Variants in CDH23 observed in about 807,000 individuals in gnomAD.
CDH23 encodes the protein cadherin related 23.
A neutral mutation model predicts 317.1 loss-of-function variants in CDH23; 189 were observed. The observed-to-expected ratio is 0.60, with a 90% CI of 0.53 to 0.67. CDH23 has a LOEUF of 0.67. Among genes scored for constraint, CDH23 ranks in the 30% least tolerant of loss-of-function variants. The probability of loss-of-function intolerance (pLI) is 0.00; values close to 1 mark genes in which losing one functional copy is unlikely to be tolerated. For synonymous variants in CDH23, 1,839 were observed against 1,876.8 expected, an observed-to-expected ratio of 0.98 and a Z score of 0.52; for missense variants, 4,401 against 4,592.4, an observed-to-expected ratio of 0.96 and a Z score of 1.20.
At chr10:71,707,154 G>A in intron 26 of CDH23, 105 bp downstream of exon 26, 1 of 1,548,118 alleles carries the variant, frequency 6.5e-7, no homozygotes, top group African/African-American at 1.4e-5. Flanking sequence ...GGGTGGAAAA[G>A]AGGTCAGGGC....
intron 11 of CDH23, among the ~76,000 whole-genome samples, chr10:71,622,172 G>C (rs1352925404): frequency 1.3e-5 from 2 of 152,082 alleles, no homozygotes; most frequent in Admixed American, 1.3e-4. Flanking sequence ...GGGGAGCCAC[G>C]GTGAATCGGC....
intron 11 of CDH23, among the ~76,000 whole-genome samples, chr10:71,640,016 C>G (rs1467471106): frequency 6.6e-6 from 1 of 152,170 alleles, no homozygotes; most frequent in Non-Finnish European, 1.5e-5. Context: ...GTCTGGCCTG[C>G]GTGAGCTTTT....
At chr10:71,443,274 A>G (rs1849988005) in intron 2 of CDH23, among the ~76,000 whole-genome samples, 1 of 152,114 alleles carries the variant, frequency 6.6e-6, no homozygotes, top group South Asian at 2.1e-4. Flanking sequence ...CCCGCAATTC[A>G]GGGTGAAGTT....
intron 11 of CDH23, among the ~76,000 whole-genome samples, chr10:71,618,616 G>A (rs1177070126): frequency 6.6e-6 from 1 of 152,190 alleles, no homozygotes; most frequent in Non-Finnish European, 1.5e-5. Context: ...CTGCCGCGGT[G>A]GCCTTGCTCC....
chr10:71,446,095 C>T (rs990845986), intron 2 of CDH23, among the ~76,000 whole-genome samples: 93 of 152,296 alleles, frequency 6.1e-4, no homozygotes, highest in African/African-American at 2.2e-3. Context: ...CACGTGTGGC[C>T]GGTGGCCTCA....
chr10:71,628,316 A>G (rs137948493), intron 11 of CDH23, among the ~76,000 whole-genome samples: 1 of 152,262 alleles, frequency 6.6e-6, no homozygotes, highest in Non-Finnish European at 1.5e-5. Flanking sequence ...GAAAGGGGAG[A>G]ATAGTGCAGG....
chr10:71,712,712 G>C lies in CDH23; in HGVS notation c.3268G>C (p.Val1090Leu), dbSNP rs368487578. Residue 1090 changes from valine to leucine, a missense_variant, in exon 28 of 70, where the codon GTC (valine) becomes CTC (leucine). This residue lies in a region of CDH23 where 3,068 missense variants were observed against 3,203.3 expected (regional missense o/e 0.96). Coordinates refer to ENST00000224721, the MANE Select transcript of CDH23 (RefSeq NM_022124.6). ...ACACACGGGCACAGCCACCGTGTTC[G>C]TCACTGTCCTGGATGTGAATGACAA... ...KRHTGTATVF[V>L]TVLDVNDNRP... 1.2e-5 allele frequency: 19 copies of C among 1,613,592 alleles called. No individual in the cohort carries two copies. The highest frequency in any genetic ancestry group is 1.5e-5 in the Non-Finnish European group (18 of 1,179,874).
At chr10:71,633,871 A>T (rs2132559382) in intron 11 of CDH23, among the ~76,000 whole-genome samples, 1 of 152,040 alleles carries the variant, frequency 6.6e-6, no homozygotes, top group East Asian at 1.9e-4. Flanking sequence ...CCACCCAACC[A>T]TGCAGGAAAG....
At chr10:71,584,130 G>A (rs145230222) in intron 9 of CDH23, among the ~76,000 whole-genome samples, 50 of 152,274 alleles carry the variant, frequency 3.3e-4, no homozygotes, top group Admixed American at 1.2e-3. Flanking sequence ...TCTCAATGGC[G>A]GCAAAATTTT....
chr10:71,777,031 G>A (rs1270801904), intron 38 of CDH23, among the ~76,000 whole-genome samples: 1 of 152,250 alleles, frequency 6.6e-6, no homozygotes, highest in Non-Finnish European at 1.5e-5. Context: ...AGCATTGGCA[G>A]AGATGGCCGA....
chr10:71,807,231 G>T, intron 57 of CDH23, 46 bp from the exon 58 acceptor site: 1 of 1,600,888 alleles, frequency 6.2e-7, no homozygotes, highest in East Asian at 2.2e-5. Flanking sequence ...CTGGAAGCTC[G>T]GGTCTTCCCT....
rs942334405 is a variant in CDH23 at position 71,792,282 on chromosome 10, T to C, written c.6254-900T>C. 1.2e-4 allele frequency among the ~76,000 whole-genome samples: 18 copies of C among 152,266 alleles called. No homozygotes were observed. In the East Asian group the frequency reaches 1.7e-3, roughly 15 times the overall value. On this transcript the variant is annotated intron_variant, in intron 47 of 69. Transcript: ENST00000224721. Reference sequence around the variant, plus strand: ...AATCTAATATAATAATAATGTAATATTTAGTGTAGATTCTCCCCCATGTCA... The same window carrying C: ...AATCTAATATAATAATAATGTAATACTTAGTGTAGATTCTCCCCCATGTCA...
At chr10:71,590,848 G>T (rs10999903) in intron 9 of CDH23, among the ~76,000 whole-genome samples, 84 of 136,812 alleles carry the variant, frequency 6.1e-4, no homozygotes, top group Non-Finnish European at 7.8e-4. Context: ...ACTCCAGCCC[G>T]GGCAACAGAG....
chr10:71,806,466 T>C (rs925351774), intron 57 of CDH23, among the ~76,000 whole-genome samples, 185 bp downstream of exon 57: 1 of 151,884 alleles, frequency 6.6e-6, no homozygotes, highest in African/African-American at 2.4e-5. Flanking sequence ...TTGAGCTATA[T>C]TGAGCGCTGA....
chr10:71,725,659 G>T (rs1476053930), intron 30 of CDH23, 139 bp downstream of exon 30: 2 of 1,052,606 alleles, frequency 1.9e-6, no homozygotes, highest in Non-Finnish European at 2.7e-6. Flanking sequence ...TGGGCCTAAG[G>T]GTTCGGTGAC....
At chr10:71,647,930 C>A (rs921812265) in intron 14 of CDH23, 2 of 152,198 alleles carry the variant, frequency 1.3e-5, no homozygotes, top group Non-Finnish European at 2.9e-5. Context: ...TCCTTGCACA[C>A]CTGGGGCTCC....
intron 9 of CDH23, among the ~76,000 whole-genome samples, chr10:71,578,341 G>C (rs1385549977): frequency 6.6e-6 from 1 of 152,204 alleles, no homozygotes; most frequent in Non-Finnish European, 1.5e-5. Context: ...CTAACCTCCT[G>C]CAGCGCTCTG....
intron 3 of CDH23, among the ~76,000 whole-genome samples, chr10:71,495,707 C>T (rs558104903): frequency 3.3e-5 from 5 of 151,320 alleles, no homozygotes; most frequent in South Asian, 4.2e-4. Context: ...GGTGCAGTGG[C>T]GCACTTGTAG....
At position 71,725,363 on chromosome 10, in the gene CDH23, T is replaced by G. The variant is rs375278975; in HGVS notation, c.3431-9T>G. The G allele has an allele frequency of 6.2e-7, 1 of 1,613,910 alleles. No individual in the cohort carries two copies. Among genetic ancestry groups the G allele is most frequent in the Non-Finnish European group, 8.5e-7 (1 of 1,179,850 alleles). On this transcript the variant is annotated splice_polypyrimidine_tract_variant and intron_variant, in intron 29 of 69. Transcript: ENST00000224721. ...GCCGGTGTTCCAGGGGGTCTGTCCC[T>G]CCACACAGGTAACCATGGCAACAAC...
Sources: allele counts gnomAD v4.1 joint callset (sites outside exome capture counted in the v4.1 genomes callset), GRCh38; gene constraint gnomAD v4.1.1; regional missense constraint gnomAD v4.1.1; transcripts MANE v1.5; gene names NCBI Gene and HGNC (gene_info 2026-07-23, HGNC 2026-07-21).